The following PCDH15 variants were observed in gnomAD, a reference collection of about 807,000 sequenced individuals.
PCDH15 encodes the protein protocadherin-15.
Under a neutral mutation model 178.5 loss-of-function variants are expected in PCDH15, and 129 were observed. The ratio of observed to expected loss-of-function variants is 0.72; its 90% CI spans 0.63 to 0.84. The LOEUF (loss-of-function observed/expected upper bound fraction) is 0.84. Ranked by LOEUF, PCDH15 falls within the 40% of genes least tolerant of loss-of-function variation. The pLI is 0.00. For synonymous variants in PCDH15, 800 were observed against 732.0 expected (o/e 1.09, Z -1.50); for missense variants, 2,230 against 2,099.9 (o/e 1.06, Z -1.21).
Position 54,925,401 on chromosome 10 carries a change from G to T in PCDH15, c.-79-27901C>A, listed in dbSNP as rs1381869618. On this transcript the variant is annotated intron_variant, in intron 2 of 5. Transcript: ENST00000458638. The stretch of plus-strand genomic sequence containing the variant: ...ATAATGCCTCCAAATTTTTCTTTTT[G>T]CTTAGCATTTCCTTGGCTATTCAGG... Among the ~76,000 whole-genome samples the T allele has an allele frequency of 2.4e-4, 36 of 148,484 alleles. No homozygotes were observed. In the Admixed American group the frequency reaches 2.4e-3, roughly 10 times the overall value.
intron 11 of PCDH15, among the ~76,000 whole-genome samples, chr10:54,186,500 A>G (rs1430517519): frequency 6.6e-6 from 1 of 151,104 alleles, no homozygotes; most frequent in Non-Finnish European, 1.5e-5. Flanking sequence ...TAGATTTCAA[A>G]TAACCTTGAA....
chr10:54,789,034 A>G (rs987135584), intron 1 of PCDH15, among the ~76,000 whole-genome samples: 20 of 151,866 alleles, frequency 1.3e-4, no homozygotes, highest in African/African-American at 4.8e-4. Flanking sequence ...ATGGGGTCAC[A>G]TTGAATGTCT....
intron 2 of PCDH15, among the ~76,000 whole-genome samples, chr10:55,499,719 G>A (rs1333833426): frequency 1.3e-5 from 2 of 151,506 alleles, no homozygotes; most frequent in African/African-American, 4.8e-5. Context: ...TGTTCAATTT[G>A]CAATGTTTTA....
intron 21 of PCDH15, among the ~76,000 whole-genome samples, chr10:53,968,374 C>T (rs1273220488): frequency 6.6e-6 from 1 of 152,146 alleles, no homozygotes; most frequent in African/African-American, 2.4e-5. Context: ...CGGGTGGAGC[C>T]CACCACAGCT....
At chr10:54,743,556 TA>T (rs2132847135) in intron 1 of PCDH15, among the ~76,000 whole-genome samples, 1 of 152,128 alleles carries the variant, frequency 6.6e-6, no homozygotes, top group East Asian at 1.9e-4. Context: ...AATACTTTAT[TA>T]AGCTTATACG....
chr10:55,358,296 G>A (rs1439694308), intron 2 of PCDH15, among the ~76,000 whole-genome samples: 1 of 152,098 alleles, frequency 6.6e-6, no homozygotes, highest in Non-Finnish European at 1.5e-5. Flanking sequence ...TGATTTGCAT[G>A]ATTCTCTATT....
intron 8 of PCDH15, among the ~76,000 whole-genome samples, chr10:54,300,353 C>T (rs2060075507): frequency 6.6e-6 from 1 of 152,150 alleles, no homozygotes. Flanking sequence ...TATTTTTAAC[C>T]TCCTTGTCAA....
Position 53,822,067 on chromosome 10 carries a change from T to A in PCDH15, c.4368-1837A>T, listed in dbSNP as rs2076305143. On this transcript the variant is annotated intron_variant, in intron 32 of 37. Transcript: ENST00000644397. ...GATTTTTCAAGTTCTGCTAAGTTTT[T>A]AACGTGTCTGAGGATGCCTTTTGGT... is the stretch of plus-strand genomic sequence containing the variant. The A allele has an allele frequency of 1.2e-6, 2 of 1,614,124 alleles. No homozygotes were observed. The highest frequency in any genetic ancestry group is 8.5e-7 in the Non-Finnish European group (1 of 1,179,962).
chr10:55,524,595 T>C (rs944315196), intron 2 of PCDH15, among the ~76,000 whole-genome samples: 4 of 151,684 alleles, frequency 2.6e-5, no homozygotes, highest in African/African-American at 7.3e-5. Flanking sequence ...TATCTTGCAA[T>C]AGATTTCTCT....
At chr10:54,051,299 A>G (rs1006171849) in intron 18 of PCDH15, among the ~76,000 whole-genome samples, 2 of 152,204 alleles carry the variant, frequency 1.3e-5, no homozygotes, top group Non-Finnish European at 2.9e-5. Context: ...AAATGTGAGA[A>G]AGTTTGGAAC....
Position 54,418,695 on chromosome 10 carries a change from T to A in PCDH15, c.158-39753A>T, listed in dbSNP as rs934071815. Among the ~76,000 whole-genome samples the A allele has an allele frequency of 1.1e-4, 16 of 151,936 alleles. 1 individual carries two copies. Among genetic ancestry groups the A allele is most frequent in the Admixed American group, 9.2e-4 (14 of 15,250 alleles). On this transcript the variant is annotated intron_variant, in intron 3 of 37. Coordinates refer to ENST00000644397, the MANE Select transcript of PCDH15 (RefSeq NM_001384140.1). Reference sequence around the variant, plus strand: ...AGCTAATACATATATTATTTGATTTTTTAAAGACTATTATTAAAATAATAA... The same window carrying A: ...AGCTAATACATATATTATTTGATTTATTAAAGACTATTATTAAAATAATAA...
chr10:55,309,654 T>C (rs1843528133), intron 1 of PCDH15, among the ~76,000 whole-genome samples: 2 of 152,052 alleles, frequency 1.3e-5, no homozygotes, highest in Admixed American at 1.3e-4. Context: ...GTGATCACAA[T>C]AGGAAAAAAA....
intron 2 of PCDH15, among the ~76,000 whole-genome samples, chr10:55,530,617 TA>T (rs1841429899): frequency 6.6e-6 from 1 of 151,994 alleles, no homozygotes; most frequent in South Asian, 2.1e-4. Context: ...GTCCCTGAAT[TA>T]ATAGAATAAA....
chr10:54,981,765 C>G (rs1034071517), intron 2 of PCDH15, among the ~76,000 whole-genome samples: 1 of 151,738 alleles, frequency 6.6e-6, no homozygotes, highest in African/African-American at 2.4e-5. Context: ...TTTCCTGGAA[C>G]CCCCCACCTC....
intron 11 of PCDH15, among the ~76,000 whole-genome samples, chr10:54,187,260 CT>C (rs1427210547): frequency 1.3e-5 from 2 of 151,850 alleles, no homozygotes; most frequent in African/African-American, 4.8e-5. Flanking sequence ...AATTTATTTT[CT>C]TCCTTTCAAC....
intron 1 of PCDH15, among the ~76,000 whole-genome samples, chr10:55,297,373 G>T (rs946888282): frequency 3.3e-5 from 5 of 152,178 alleles, no homozygotes; most frequent in Admixed American, 2.0e-4. Flanking sequence ...ATTAAAATGT[G>T]TTTAAATCAG....
intron 26 of PCDH15, among the ~76,000 whole-genome samples, chr10:53,888,702 T>TATATA (rs1554845542): frequency 0.016 from 738 of 46,168 alleles, 147 homozygotes; most frequent in Middle Eastern, 0.048. Flanking sequence ...TATATATATA[T>TATATA]ATCTCCTGTG....
chr10:54,577,524 A>G (rs1225939448), intron 2 of PCDH15, among the ~76,000 whole-genome samples: 1 of 152,076 alleles, frequency 6.6e-6, no homozygotes, highest in Non-Finnish European at 1.5e-5. Context: ...ATTTGGTGAG[A>G]ATACAAAAAA....
At chr10:53,830,077 G>A (rs1037929614) in intron 30 of PCDH15, among the ~76,000 whole-genome samples, 1 of 152,128 alleles carries the variant, frequency 6.6e-6, no homozygotes, top group Non-Finnish European at 1.5e-5. Context: ...GCTGAGGTGG[G>A]CGGATCACGA....
Sources: allele counts gnomAD v4.1 joint callset (sites outside exome capture counted in the v4.1 genomes callset), GRCh38; gene constraint gnomAD v4.1.1; transcripts MANE v1.5; gene names NCBI Gene and HGNC (gene_info 2026-07-23, HGNC 2026-07-21).